Variants in THADA observed in about 807,000 individuals in gnomAD.
THADA encodes tRNA (32-2'-O)-methyltransferase regulator THADA.
Under a neutral mutation model 219.8 loss-of-function variants are expected in THADA, and 213 were observed. That is an observed-to-expected ratio of 0.97 (90% CI 0.87 to 1.09). The LOEUF (loss-of-function observed/expected upper bound fraction) is 1.09. THADA is among the 50% of genes least tolerant of loss of function. The probability of loss-of-function intolerance (pLI) is 0.00; values close to 1 mark genes in which losing one functional copy is unlikely to be tolerated. For missense variants in THADA, 2,956 were observed against 2,311.3 expected, an observed-to-expected ratio of 1.28 and a Z score of -5.72; for synonymous variants, 1,018 against 828.9, an observed-to-expected ratio of 1.23 and a Z score of -3.92.
At chr2:43,297,358 A>G (rs1171484191) in intron 31 of THADA, among the ~76,000 whole-genome samples, 6 of 83,964 alleles carry the variant, frequency 7.1e-5, no homozygotes, top group Non-Finnish European at 1.1e-4. Context: ...GCCCCGTCTG[A>G]GAAGTGAGGA....
At chr2:43,573,520 A>C (rs1699520084) in intron 11 of THADA, among the ~76,000 whole-genome samples, 1 of 152,224 alleles carries the variant, frequency 6.6e-6, no homozygotes, top group South Asian at 2.1e-4. Context: ...CTTACTTCAG[A>C]ACAGATTCTT....
intron 26 of THADA, among the ~76,000 whole-genome samples, chr2:43,467,533 A>T (rs1684405174): frequency 6.6e-6 from 1 of 152,198 alleles, no homozygotes; most frequent in South Asian, 2.1e-4. Context: ...GCAAATATTT[A>T]GGACTGATTA....
Position 43,566,827 on chromosome 2 carries a change from A to T in THADA, c.2188-6T>A. On this transcript the variant is annotated splice_polypyrimidine_tract_variant and splice_region_variant and intron_variant, in intron 14 of 37. Transcript: ENST00000405975. Reference sequence around the variant, plus strand: ...CAAATGGATGACATGAAATTCTTAAAAAAAAAAAAAAAATTACAGTAAGTA... The same window carrying T: ...CAAATGGATGACATGAAATTCTTAATAAAAAAAAAAAAATTACAGTAAGTA... 1 of 1,431,538 alleles carries T rather than the reference A, an allele frequency of 7.0e-7. No individual in the cohort carries two copies. The highest frequency in any genetic ancestry group is 9.2e-7 in the Non-Finnish European group (1 of 1,089,632). The allele number at this position is 1,431,538 out of a possible 1,614,324, so 88.7% of individuals were successfully genotyped here. A position where few individuals can be genotyped will look rare whatever the true frequency, so the allele number is the denominator to read the frequency against.
At chr2:43,368,074 C>T (rs1396258281) in intron 29 of THADA, among the ~76,000 whole-genome samples, 7 of 152,090 alleles carry the variant, frequency 4.6e-5, no homozygotes, top group Admixed American at 2.6e-4. Flanking sequence ...GCCGAGATCA[C>T]GCCATTGCAC....
chr2:43,286,999 T>C lies in THADA; in HGVS notation c.5073A>G (p.Glu1691=), dbSNP rs1426123319. Residue 1691 remains glutamate, a synonymous_variant, in exon 35 of 38, where the codon GAA becomes GAG. Transcript: ENST00000405975. The stretch of plus-strand genomic sequence containing the variant: ...GCCTAGACTCTGTAGGAAGATGGTC[T>C]TCACATGACAAGATGACCAGCTGAA... The part of the protein sequence containing the change: ...QWVQLVILSC[E]DHLPTESRLA... 2 of 1,613,852 alleles carry C rather than the reference T, an allele frequency of 1.2e-6. No homozygotes were observed. Among genetic ancestry groups the C allele is most frequent in the East Asian group, 2.2e-5 (1 of 44,896 alleles).
chr2:43,574,147 T>G (rs971930219), intron 11 of THADA, among the ~76,000 whole-genome samples, 189 bp downstream of exon 11: 1 of 152,214 alleles, frequency 6.6e-6, no homozygotes, highest in Admixed American at 6.5e-5. Flanking sequence ...TAGAAATGAC[T>G]TCAGCCAAAA....
At chr2:43,475,576 G>C (rs1685435691) in intron 26 of THADA, among the ~76,000 whole-genome samples, 1 of 152,102 alleles carries the variant, frequency 6.6e-6, no homozygotes, top group Non-Finnish European at 1.5e-5. Context: ...CTGTTAGCTT[G>C]TTAGAGATTA....
chr2:43,545,673 A>G (rs1161828935), intron 20 of THADA, among the ~76,000 whole-genome samples: 1 of 152,094 alleles, frequency 6.6e-6, no homozygotes, highest in Non-Finnish European at 1.5e-5. Context: ...AAGTGTTTGT[A>G]GTATTCTCTG....
intron 36 of THADA, among the ~76,000 whole-genome samples, chr2:43,255,818 C>G (rs746650354): frequency 6.6e-6 from 1 of 152,124 alleles, no homozygotes; most frequent in Non-Finnish European, 1.5e-5. Flanking sequence ...GGCAACAGGC[C>G]CCGGGTGGGT....
At chr2:43,565,621 A>G (rs541432654) in intron 15 of THADA, 60 of 152,276 alleles carry the variant, frequency 3.9e-4, no homozygotes, top group African/African-American at 1.4e-3. Context: ...ACTTTGCCCA[A>G]TAATTTAAAA....
chr2:43,559,861 G>A (rs1020782483), intron 16 of THADA, among the ~76,000 whole-genome samples: 4 of 152,234 alleles, frequency 2.6e-5, no homozygotes, highest in East Asian at 1.9e-4. Context: ...AGATTATCTC[G>A]AAAAATGCAA....
intron 15 of THADA, 74 bp from the exon 16 acceptor site, chr2:43,560,459 A>C: frequency 3.5e-6 from 4 of 1,144,826 alleles, no homozygotes; most frequent in Non-Finnish European, 4.7e-6. Flanking sequence ...TATTTGACCA[A>C]ATTTATAGAA....
intron 26 of THADA, among the ~76,000 whole-genome samples, chr2:43,433,666 G>A (rs1465670701): frequency 6.6e-6 from 1 of 152,154 alleles, no homozygotes; most frequent in Non-Finnish European, 1.5e-5. Flanking sequence ...TTGTGTGTGT[G>A]TGTGTGTCTG....
At chr2:43,485,960 T>C (rs1002336018) in intron 25 of THADA, among the ~76,000 whole-genome samples, 2 of 152,036 alleles carry the variant, frequency 1.3e-5, no homozygotes, top group Non-Finnish European at 2.9e-5. Context: ...GGCACATGCC[T>C]ATAGTCCCAG....
chr2:43,293,307 G>T, intron 31 of THADA, 94 bp from the exon 32 acceptor site: 2 of 1,369,422 alleles, frequency 1.5e-6, no homozygotes, highest in Non-Finnish European at 2.0e-6. Flanking sequence ...ACTGCGTGAG[G>T]CCATCAGATG....
At chr2:43,352,495 T>TTGCGGTGA (rs906773003) in intron 29 of THADA, among the ~76,000 whole-genome samples, 2 of 151,678 alleles carry the variant, frequency 1.3e-5, no homozygotes, top group African/African-American at 4.8e-5. Flanking sequence ...GAGGTGGAGG[T>TTGCGGTGA]TGCGGTGAGC....
intron 36 of THADA, among the ~76,000 whole-genome samples, chr2:43,263,735 C>T (rs187310318): frequency 6.6e-6 from 1 of 152,246 alleles, no homozygotes; most frequent in East Asian, 1.9e-4. Context: ...CACTATAATA[C>T]TTATTTATTT....
chr2:43,427,974 C>T (rs946870040), intron 28 of THADA, 126 bp downstream of exon 28: 9 of 463,786 alleles, frequency 1.9e-5, no homozygotes, highest in African/African-American at 1.7e-4. Flanking sequence ...AACAAACAAA[C>T]AAATAATATA....
chr2:43,255,515 A>T (rs1411957357), intron 36 of THADA, among the ~76,000 whole-genome samples: 2 of 152,122 alleles, frequency 1.3e-5, no homozygotes, highest in African/African-American at 4.8e-5. Flanking sequence ...GCTGCTGTGA[A>T]GGTGAAGGAT....
Sources: allele counts gnomAD v4.1 joint callset (sites outside exome capture counted in the v4.1 genomes callset), GRCh38; gene constraint gnomAD v4.1.1; transcripts MANE v1.5; gene names NCBI Gene and HGNC (gene_info 2026-07-23, HGNC 2026-07-21).